Variants in HIP1R observed in about 807,000 individuals in gnomAD.
HIP1R encodes the protein huntingtin interacting protein 1 related, also known as huntingtin-interacting protein 1-related protein.
A neutral mutation model predicts 144.2 loss-of-function variants in HIP1R; 135 were observed. The ratio of observed to expected loss-of-function variants is 0.94; its 90% CI spans 0.81 to 1.08. HIP1R has a LOEUF of 1.08. Among genes scored for constraint, HIP1R ranks in the 50% least tolerant of loss-of-function variants. The probability of loss-of-function intolerance (pLI) is 0.00; values close to 1 mark genes in which losing one functional copy is unlikely to be tolerated. For missense variants in HIP1R, 1,462 were observed against 1,432.8 expected (o/e 1.02, Z -0.33); for synonymous variants, 698 against 612.8 (o/e 1.14, Z -2.05).
chr12:122,859,385 G>C (rs746060445), intron 22 of HIP1R, 41 bp from the exon 23 acceptor site: 25 of 1,565,960 alleles, frequency 1.6e-5, no homozygotes, highest in Non-Finnish European at 2.0e-5. Context: ...TGGGACGGGG[G>C]GGGACGGAGG....
chr12:122,859,020 T>TC, intron 21 of HIP1R, 41 bp from the exon 22 acceptor site: 1 of 944,916 alleles, frequency 1.1e-6, no homozygotes, highest in Middle Eastern at 2.2e-4. Context: ...ATGGAGCCTG[T>TC]CGGTGGGGGG....
chr12:122,851,214 T>C, intron 6 of HIP1R, 22 bp from the exon 7 acceptor site: 6 of 1,492,078 alleles, frequency 4.0e-6, no homozygotes, highest in Non-Finnish European at 5.3e-6. Context: ...TTTTCATTTC[T>C]TCCCCCACTT....
chr12:122,841,093 C>T (rs982411626), intron 1 of HIP1R, among the ~76,000 whole-genome samples: 1 of 152,218 alleles, frequency 6.6e-6, no homozygotes, highest in African/African-American at 2.4e-5. Context: ...TAACCTGAGA[C>T]GCCTTGGCTG....
chr12:122,851,061 G>A, intron 6 of HIP1R, 150 bp downstream of exon 6: 1 of 876,402 alleles, frequency 1.1e-6, no homozygotes, highest in Non-Finnish European at 1.8e-6. Flanking sequence ...AGGGACAGAG[G>A]GTGAAGTTAA....
chr12:122,859,315 G>T (rs961797459), intron 22 of HIP1R, 111 bp from the exon 23 acceptor site: 2 of 1,470,472 alleles, frequency 1.4e-6, no homozygotes, highest in African/African-American at 1.4e-5. Context: ...AGGACACAGG[G>T]TGGGGACCAT....
chr12:122,836,315 C>G lies in HIP1R; in HGVS notation c.93+672C>G, dbSNP rs1324557072. On this transcript the variant is annotated intron_variant, in intron 1 of 31. Coordinates refer to ENST00000253083, the MANE Select transcript of HIP1R (RefSeq NM_003959.3). The surrounding 1 kb of genome is among the most constrained non-coding windows in gnomAD (Gnocchi z 4.1). ...CCACGTATAAATAGGTGCACACCCCCTCATTAAATACCGGCGCCCGACAGA... is the reference window on the plus strand; with the variant it reads ...CCACGTATAAATAGGTGCACACCCCGTCATTAAATACCGGCGCCCGACAGA... 6.6e-6 allele frequency among the ~76,000 whole-genome samples: 1 copy of G among 152,174 alleles called. No homozygotes were observed. Among genetic ancestry groups the G allele is most frequent in the Non-Finnish European group, 1.5e-5 (1 of 68,042 alleles).
rs747214798 is a variant in HIP1R at position 122,854,111 on chromosome 12, CTCATCCAGG to C, written c.656_664del (p.Val219_Gln221del). The C allele has an allele frequency of 1.9e-6, 3 of 1,613,812 alleles. No homozygotes were observed. Among genetic ancestry groups the C allele is most frequent in the Non-Finnish European group, 1.7e-6 (2 of 1,179,936 alleles). ...CTCAGGCCAGTGCCGCCTGGCCCCC[CTCATCCAGG>C]TCATCCAGGACTGCAGCCACCTCTA... is the stretch of plus-strand genomic sequence containing the variant. On this transcript the variant is annotated inframe_deletion, in exon 8 of 32. Coordinates refer to ENST00000253083, the MANE Select transcript of HIP1R (RefSeq NM_003959.3).
Position 122,861,388 on chromosome 12 carries a change from G to A in HIP1R, c.3033G>A (p.Leu1011=). The change falls in exon 31 of 32, where the codon CTG becomes CTA. Residue 1011 remains leucine (L), a synonymous_variant. Transcript: ENST00000253083. The part of the protein sequence containing the change: ...LGELRKQHYV[L]AGASGSPGEE... ...AGTTGCGGAAGCAACACTACGTGCTGGCTGGGGCATCAGGCAGCCCTGGAG... is the reference window on the plus strand; with the variant it reads ...AGTTGCGGAAGCAACACTACGTGCTAGCTGGGGCATCAGGCAGCCCTGGAG... 1 of 1,613,544 alleles carries A rather than the reference G, an allele frequency of 6.2e-7. No homozygotes were observed. Among genetic ancestry groups the A allele is most frequent in the Non-Finnish European group, 8.5e-7 (1 of 1,179,914 alleles).
intron 1 of HIP1R, among the ~76,000 whole-genome samples, chr12:122,841,412 C>T (rs993655634): frequency 6.6e-6 from 1 of 152,194 alleles, no homozygotes; most frequent in Admixed American, 6.5e-5. Flanking sequence ...CAGACCTGCA[C>T]CAGCCACCTA....
chr12:122,859,027 G>GCGT (rs2033682603), intron 21 of HIP1R, 34 bp from the exon 22 acceptor site: 5 of 1,212,006 alleles, frequency 4.1e-6, no homozygotes, highest in East Asian at 5.1e-5. Flanking sequence ...CTGTCGGTGG[G>GCGT]GGGGGCTCCA....
intron 27 of HIP1R, 24 bp downstream of exon 27, chr12:122,860,547 G>A (rs372922271): frequency 1.2e-5 from 18 of 1,553,108 alleles, no homozygotes; most frequent in South Asian, 2.2e-5. Context: ...GGTGGGGGGG[G>A]GCAGGGGGCT....
intron 2 of HIP1R, 101 bp downstream of exon 2, chr12:122,848,195 C>A: frequency 7.7e-7 from 1 of 1,294,506 alleles, no homozygotes; most frequent in Non-Finnish European, 1.1e-6. Context: ...GTCACAAGTT[C>A]CCTCACTGAG....
chr12:122,861,685 C>A (rs1389979888), intron 31 of HIP1R, 21 bp from the exon 32 acceptor site: 6 of 1,613,676 alleles, frequency 3.7e-6, no homozygotes, highest in Non-Finnish European at 4.2e-6. Context: ...ACCACTGACC[C>A]CCCACCTTTA....
chr12:122,848,526 G>C lies in HIP1R; in HGVS notation c.218G>C (p.Gly73Ala). Residue 73 changes from glycine to alanine, a missense_variant, in exon 3 of 32, where the codon GGG becomes GCG. Physicochemically the swap from Gly to Ala is moderately conservative, Grantham distance 60. Coordinates refer to ENST00000253083, the MANE Select transcript of HIP1R (RefSeq NM_003959.3). ...GAFTFWSYAI[G>A]LPLPSSSILS... ...TTCACCTTCTGGTCCTACGCCATTG[G>C]GCTGCCGCTGCCCAGCAGCTCCATT... is the stretch of plus-strand genomic sequence containing the variant. The C allele has an allele frequency of 6.2e-7, 1 of 1,613,332 alleles. No homozygotes were observed. Among genetic ancestry groups the C allele is most frequent in the Non-Finnish European group, 8.5e-7 (1 of 1,179,986 alleles).
intron 1 of HIP1R, among the ~76,000 whole-genome samples, chr12:122,841,196 G>A (rs1023252562): frequency 6.8e-6 from 1 of 147,034 alleles, no homozygotes; most frequent in Non-Finnish European, 1.5e-5. Context: ...GCAGCCACCC[G>A]CTGCCGTCCT....
rs769472217 is a variant in HIP1R, at chr12:122,855,987, G to T, written c.1136G>T (p.Arg379Leu). ...TCACACCTCCTCCCGCAGGCCCAGC[G>T]GTACATCGCGCAGCTGAAGAGCCAG... ...ELEKIKLEAQ[R>L]YIAQLKSQVN... The change falls in exon 14 of 32, where the codon CGG becomes CTG. Residue 379 changes from arginine (R) to leucine (L), a missense_variant. Transcript: ENST00000253083. 1 of 1,587,652 alleles carries T rather than the reference G, an allele frequency of 6.3e-7. No individual in the cohort carries two copies. The highest frequency in any genetic ancestry group is 8.6e-7 in the Non-Finnish European group (1 of 1,167,486).
At chr12:122,860,398 T>G (rs200024019) in intron 26 of HIP1R, 25 bp from the exon 27 acceptor site, 6 of 1,611,198 alleles carry the variant, frequency 3.7e-6, no homozygotes, top group Admixed American at 3.3e-5. Context: ...TGGCATGTCC[T>G]GCCCTGTTCT....
chr12:122,838,321 T>A (rs59083054), intron 1 of HIP1R, among the ~76,000 whole-genome samples: 6,006 of 127,598 alleles, frequency 0.047, 409 homozygotes, highest in African/African-American at 0.17. Flanking sequence ...TCCCTTTGGT[T>A]AAAAAAAAAA....
chr12:122,856,748 G>C (rs767910555), intron 17 of HIP1R, 22 bp downstream of exon 17: 3 of 1,544,128 alleles, frequency 1.9e-6, no homozygotes, highest in Non-Finnish European at 2.6e-6. Flanking sequence ...TTTGATGACT[G>C]GAGGTGGGGT....
Sources: gnomAD v4.1 joint callset for allele counts (sites outside exome capture counted in the v4.1 genomes callset) on GRCh38, gnomAD v4.1.1 for gene constraint, Gnocchi (gnomAD v3.1) non-coding constraint, MANE v1.5 for transcripts, NCBI Gene and HGNC (gene_info 2026-07-23, HGNC 2026-07-21) for gene names.